Variants in EPAS1 observed in about 807,000 individuals in gnomAD.
EPAS1 encodes the protein endothelial PAS domain protein 1.
A neutral mutation model predicts 87.9 loss-of-function variants in EPAS1; 23 were observed. The observed-to-expected ratio is 0.26, with a 90% confidence interval of 0.19 to 0.37. The LOEUF is 0.37. EPAS1 is among the 10% of genes least tolerant of loss of function. EPAS1 has a pLI of 1.00. For synonymous variants in EPAS1, 508 were observed against 444.3 expected (o/e 1.14, Z -1.80); for missense variants, 1,138 against 1,120.7 (o/e 1.02, Z -0.22).
At position 46,377,980 on chromosome 2, in the gene EPAS1, A is replaced by C. The variant is rs1010054829; in HGVS notation, c.1336A>C (p.Ser446Arg). ...QPWATELRSH[S>R]TQSEAGSLPA... ...ATGGGCCACGGAGTTGAGGAGCCAC[A>C]GCACCCAGAGCGAGGCTGGGAGCCT... Residue 446 changes from serine (S) to arginine (R), a missense_variant, in exon 10 of 16, where the codon AGC (serine) becomes CGC (arginine). Around this residue, in one of 4 missense-constraint regions of EPAS1, gnomAD observed 284 missense variants for 258.4 expected, o/e 1.10. Transcript: ENST00000263734. The C allele has an allele frequency of 6.3e-7, 1 of 1,574,870 alleles. No homozygotes were observed. Among genetic ancestry groups the C allele is most frequent in the Non-Finnish European group, 8.6e-7 (1 of 1,159,664 alleles).
At chr2:46,339,089 A>G (rs149533359) in intron 1 of EPAS1, among the ~76,000 whole-genome samples, 6 of 152,368 alleles carry the variant, frequency 3.9e-5, no homozygotes, top group African/African-American at 1.4e-4. Context: ...ATAAGGGAAT[A>G]GTAAAATGCA....
At position 46,339,118 on chromosome 2, in the gene EPAS1, A is replaced by ATG. The variant is rs1683856651; in HGVS notation, c.27-7752_27-7751dup. Reference sequence around the variant, plus strand: ...AAATGCATTGTGGTTCAGCCACATGATGTGATATTGCTGGCTATTATGAAT... The same window carrying ATG: ...AAATGCATTGTGGTTCAGCCACATGATGTGTGATATTGCTGGCTATTATGAAT... On this transcript the variant is annotated intron_variant, in intron 1 of 15. Coordinates refer to ENST00000263734, the MANE Select transcript of EPAS1 (RefSeq NM_001430.5). Among the ~76,000 whole-genome samples, 7 of 152,348 alleles carry ATG rather than the reference A, an allele frequency of 4.6e-5. No homozygotes were observed. The South Asian group carries it at 1.4e-3, about 32-fold the overall frequency.
intron 6 of EPAS1, among the ~76,000 whole-genome samples, chr2:46,361,854 A>T (rs1172149222): frequency 6.6e-6 from 1 of 152,204 alleles, no homozygotes; most frequent in Admixed American, 6.5e-5. Flanking sequence ...GGGTTGTCAT[A>T]GGAGGGAGTA....
chr2:46,308,465 G>GGGC (rs957113206), intron 1 of EPAS1, among the ~76,000 whole-genome samples: 2 of 142,884 alleles, frequency 1.4e-5, no homozygotes, highest in Non-Finnish European at 3.1e-5. Flanking sequence ...TTTTTTGGGG[G>GGGC]GGGGGGCTCT....
At chr2:46,336,566 A>C (rs1296414621) in intron 1 of EPAS1, among the ~76,000 whole-genome samples, 1 of 152,216 alleles carries the variant, frequency 6.6e-6, no homozygotes, top group Non-Finnish European at 1.5e-5. Context: ...GTAAAATCCC[A>C]TAAAGAAAGC....
At chr2:46,378,985 C>CTTA (rs1296765223) in intron 11 of EPAS1, among the ~76,000 whole-genome samples, 2 of 152,226 alleles carry the variant, frequency 1.3e-5, no homozygotes, top group Non-Finnish European at 2.9e-5. Flanking sequence ...GCATATGTGT[C>CTTA]TCCTACTTAG....
At position 46,300,805 on chromosome 2, in the gene EPAS1, C is replaced by T. The variant is rs1463003026; in HGVS notation, c.26+2868C>T. Among the ~76,000 whole-genome samples, 1 of 152,280 alleles carries T rather than the reference C, an allele frequency of 6.6e-6. No individual in the cohort carries two copies. Among genetic ancestry groups the T allele is most frequent in the South Asian group, 2.1e-4 (1 of 4,818 alleles). Reference sequence around the variant, plus strand: ...CCCAGAGTGCTTATACAGTAGTGCTCAGTACAGGGCTAGCGTGGAAGGGGA... The same window carrying T: ...CCCAGAGTGCTTATACAGTAGTGCTTAGTACAGGGCTAGCGTGGAAGGGGA... On this transcript the variant is annotated intron_variant, in intron 1 of 15. Transcript: ENST00000263734. The surrounding 1 kb of genome is among the most constrained non-coding windows in gnomAD (Gnocchi z 4.1).
In EPAS1 at chr2:46,386,094, C is replaced by G. The variant is rs1685017672; in HGVS notation, c.*1434C>G. The G allele has an allele frequency of 6.6e-6, 1 of 152,662 alleles. No individual in the cohort carries two copies. The highest frequency in any genetic ancestry group is 2.4e-5 in the African/African-American group (1 of 41,444). The allele number at this position is 152,662 out of a possible 1,614,324, so 9.5% of individuals were successfully genotyped here. A position where few individuals can be genotyped will look rare whatever the true frequency, so the allele number is the denominator to read the frequency against. ...CAGGGATGGCCCCTAGCCACAGGCC[C>G]TGGCTGAGGTCTCTGGGTCGGTCAG... is the stretch of plus-strand genomic sequence containing the variant. On this transcript the variant is annotated 3_prime_UTR_variant, in exon 16 of 16. Transcript: ENST00000263734.
intron 1 of EPAS1, among the ~76,000 whole-genome samples, chr2:46,326,765 C>T (rs975775256): frequency 1.5e-4 from 23 of 152,016 alleles, no homozygotes; most frequent in African/African-American, 3.9e-4. Context: ...AGGGGTAAGA[C>T]GAGCATACAG....
rs1177530014 is a variant in EPAS1 at position 46,380,638 on chromosome 2, G to T, written c.1966G>T (p.Asp656Tyr). 1 of 1,614,126 alleles carries T rather than the reference G, an allele frequency of 6.2e-7. No individual in the cohort carries two copies. Among genetic ancestry groups the T allele is most frequent in the Non-Finnish European group, 8.5e-7 (1 of 1,180,008 alleles). Residue 656 changes from aspartate to tyrosine, a missense_variant, in exon 12 of 16, where the codon GAT (aspartate) becomes TAT (tyrosine). By Grantham distance (160) the Asp-to-Tyr change is radical (BLOSUM62 -3). Coordinates refer to ENST00000263734, the MANE Select transcript of EPAS1 (RefSeq NM_001430.5). This position sits in a 1 kb window ranked among gnomAD's most constrained non-coding sequence, Gnocchi z 4.4. ...TGGGCCCACAAAGTGGGCCGTCGGGGATCAGCGCACAGAGTTCTTGGGAGC... is the reference window on the plus strand; with the variant it reads ...TGGGCCCACAAAGTGGGCCGTCGGGTATCAGCGCACAGAGTTCTTGGGAGC... ...HFGPTKWAVG[D>Y]QRTEFLGAAP...
chr2:46,369,863 G>T lies in EPAS1; in HGVS notation c.816G>T (p.Leu272=). The change falls in exon 7 of 16, where the codon CTG becomes CTT. Residue 272 remains leucine (L), a synonymous_variant. Coordinates refer to ENST00000263734, the MANE Select transcript of EPAS1 (RefSeq NM_001430.5). ...TGATTGGTTACCACCCTGAGGAGCTGCTTGGCCGCTCAGCCTATGAATTCT... is the reference window on the plus strand; with the variant it reads ...TGATTGGTTACCACCCTGAGGAGCTTCTTGGCCGCTCAGCCTATGAATTCT... ...TELIGYHPEE[L]LGRSAYEFYH... The T allele has an allele frequency of 1.2e-6, 2 of 1,613,316 alleles. No homozygotes were observed. The highest frequency in any genetic ancestry group is 1.1e-5 in the South Asian group (1 of 90,786).
intron 2 of EPAS1, 24 bp from the exon 3 acceptor site, chr2:46,356,127 T>TTGGGGGGGG: frequency 3.6e-6 from 5 of 1,395,460 alleles, no homozygotes; most frequent in Non-Finnish European, 4.9e-6. Flanking sequence ...TCATGCAAGC[T>TTGGGGGGGG]GTCCCACCCC....
chr2:46,342,371 T>C (rs1372255147), intron 1 of EPAS1, among the ~76,000 whole-genome samples: 1 of 152,224 alleles, frequency 6.6e-6, no homozygotes, highest in African/African-American at 2.4e-5. Context: ...TCCTCCATTC[T>C]CAGCTTCTTG....
At chr2:46,316,199 C>A (rs78901262) in intron 1 of EPAS1, among the ~76,000 whole-genome samples, 123 of 151,772 alleles carry the variant, frequency 8.1e-4, no homozygotes, top group African/African-American at 2.8e-3. Context: ...TTTGTTTCCT[C>A]GTGCATATGA....
chr2:46,359,379 T>C (rs1684342650), intron 4 of EPAS1, among the ~76,000 whole-genome samples: 1 of 151,280 alleles, frequency 6.6e-6, no homozygotes, highest in Non-Finnish European at 1.5e-5. Flanking sequence ...CCAGCCCCCT[T>C]ATACCCAACA....
chr2:46,377,951 A>C lies in EPAS1; in HGVS notation c.1307A>C (p.Gln436Pro). ...GGCAAGGCCATCCTGCCCCCGAGCC[A>C]GCCATGGGCCACGGAGTTGAGGAGC... Reference protein sequence around the residue: ...AYGKAILPPSQPWATELRSHS... With the variant: ...AYGKAILPPSPPWATELRSHS... Residue 436 changes from glutamine to proline, a missense_variant, in exon 10 of 16, where the codon CAG becomes CCG. Coordinates refer to ENST00000263734, the MANE Select transcript of EPAS1 (RefSeq NM_001430.5). The C allele has an allele frequency of 6.4e-7, 1 of 1,561,360 alleles. No individual in the cohort carries two copies.
At chr2:46,336,393 G>A (rs1227962291) in intron 1 of EPAS1, among the ~76,000 whole-genome samples, 2 of 152,092 alleles carry the variant, frequency 1.3e-5, no homozygotes, top group African/African-American at 4.8e-5. Context: ...AGTAGTGTGG[G>A]CAGGAAGTAC....
In EPAS1 at chr2:46,327,440, G is replaced by C. The variant is rs377368338; in HGVS notation, c.27-19433G>C. On this transcript the variant is annotated intron_variant, in intron 1 of 15. Coordinates refer to ENST00000263734, the MANE Select transcript of EPAS1 (RefSeq NM_001430.5). ...ATGGACCAGAGTAGTCAGGAGATTT[G>C]ATAGTGACCTATCTAATGTTTAGAA... 5.9e-5 allele frequency among the ~76,000 whole-genome samples: 9 copies of C among 152,276 alleles called. No homozygotes were observed. The East Asian group carries it at 1.2e-3, about 20-fold the overall frequency.
At chr2:46,328,455 C>T (rs906405420) in intron 1 of EPAS1, among the ~76,000 whole-genome samples, 1 of 152,174 alleles carries the variant, frequency 6.6e-6, no homozygotes, top group Admixed American at 6.5e-5. Context: ...CAAGCTTGAA[C>T]TCCCTGGCCT....
Sources: allele counts gnomAD v4.1 joint callset (sites outside exome capture counted in the v4.1 genomes callset), GRCh38; gene constraint gnomAD v4.1.1; regional missense constraint gnomAD v4.1.1; non-coding constraint Gnocchi (gnomAD v3.1); transcripts MANE v1.5; gene names NCBI Gene and HGNC (gene_info 2026-07-23, HGNC 2026-07-21).